NSUN6: variants seen among roughly 807,000 people sequenced by gnomAD.
NSUN6 encodes NOP2/Sun RNA methyltransferase 6.
NSUN6 carries 64 observed loss-of-function variants against 58.0 expected under a neutral mutation model. That is an observed-to-expected ratio of 1.10 (90% CI 0.90 to 1.36). The LOEUF (loss-of-function observed/expected upper bound fraction) is 1.36. Ranked by LOEUF, NSUN6 falls within the 40% of genes most tolerant of loss-of-function variation. The probability of loss-of-function intolerance (pLI) is 0.00; values close to 1 mark genes in which losing one functional copy is unlikely to be tolerated. For missense variants in NSUN6, 701 were observed against 550.1 expected, an observed-to-expected ratio of 1.27 and a Z score of -2.74; for synonymous variants, 231 against 193.9, an observed-to-expected ratio of 1.19 and a Z score of -1.59.
At chr10:18,548,719 G>T (rs560362397) in intron 9 of NSUN6, among the ~76,000 whole-genome samples, 1 of 152,280 alleles carries the variant, frequency 6.6e-6, no homozygotes, top group African/African-American at 2.4e-5. Context: ...GATTGCAGGC[G>T]TGAGCCATGG....
chr10:18,634,681 G>C (rs1310449780), intron 3 of NSUN6, among the ~76,000 whole-genome samples: 7 of 152,044 alleles, frequency 4.6e-5, no homozygotes, highest in Non-Finnish European at 7.4e-5. Flanking sequence ...AGAATGGCCT[G>C]AACCCAGGAG....
chr10:18,620,126 C>T (rs1314853535), intron 3 of NSUN6, among the ~76,000 whole-genome samples: 1 of 151,570 alleles, frequency 6.6e-6, no homozygotes, highest in Non-Finnish European at 1.5e-5. Context: ...CTAGCTCTGT[C>T]TCCCAGGCTG....
At chr10:18,610,823 G>A (rs751369378) in intron 5 of NSUN6, among the ~76,000 whole-genome samples, 12 of 152,150 alleles carry the variant, frequency 7.9e-5, no homozygotes, top group African/African-American at 2.4e-4. Context: ...CAAAGCAAGC[G>A]AAAGGAGAAA....
At chr10:18,645,913 C>T (rs189812243) in intron 2 of NSUN6, among the ~76,000 whole-genome samples, 4 of 152,210 alleles carry the variant, frequency 2.6e-5, no homozygotes, top group South Asian at 2.1e-4. Context: ...AGGCCAGGCA[C>T]GGAGATATAT....
At chr10:18,636,964 T>C (rs1044069140) in intron 3 of NSUN6, among the ~76,000 whole-genome samples, 4 of 8,642 alleles carry the variant, frequency 4.6e-4, no homozygotes, top group African/African-American at 1.8e-3. Flanking sequence ...AGGAATTGAC[T>C]TTTTTTTTTT....
chr10:18,551,763 A>T (rs1357728916), intron 9 of NSUN6, 60 bp downstream of exon 9: 20 of 1,404,982 alleles, frequency 1.4e-5, no homozygotes, highest in Non-Finnish European at 1.8e-5. Flanking sequence ...TGCTGTCAGT[A>T]GTTTAAACAT....
In NSUN6 at chr10:18,575,934, T is replaced by TG. The variant is rs143366158; in HGVS notation, c.922+10014dup. ...AGTTCCGGGTGCATCAAGATCAGCC[T>TG]GGGGATCACATCCTCATCAAAAGCT... is the stretch of plus-strand genomic sequence containing the variant. On this transcript the variant is annotated intron_variant, in intron 8 of 10. Transcript: ENST00000377304. 8.4e-3 allele frequency among the ~76,000 whole-genome samples: 1,278 copies of TG among 152,254 alleles called. 14 individuals are homozygous for TG. The highest frequency in any genetic ancestry group is 0.033 in the South Asian group (161 of 4,820).
chr10:18,567,517 C>A (rs781676335), intron 8 of NSUN6, among the ~76,000 whole-genome samples: 24 of 149,598 alleles, frequency 1.6e-4, no homozygotes, highest in Non-Finnish European at 3.1e-4. Context: ...TTCTATTCAC[C>A]ACTGCATCCC....
intron 3 of NSUN6, among the ~76,000 whole-genome samples, chr10:18,642,187 A>G (rs1390459574): frequency 1.3e-5 from 2 of 152,132 alleles, no homozygotes; most frequent in African/African-American, 2.4e-5. Flanking sequence ...AAATACAAGT[A>G]AACAAATGAA....
intron 8 of NSUN6, among the ~76,000 whole-genome samples, chr10:18,573,970 G>A (rs1462890751): frequency 1.3e-5 from 2 of 152,066 alleles, no homozygotes; most frequent in Non-Finnish European, 2.9e-5. Flanking sequence ...ATATCCTGTG[G>A]ACTTCTGAGG....
At chr10:18,573,932 C>T (rs918030319) in intron 8 of NSUN6, among the ~76,000 whole-genome samples, 7 of 152,024 alleles carry the variant, frequency 4.6e-5, no homozygotes, top group Admixed American at 2.0e-4. Flanking sequence ...ACTGTTATAT[C>T]GAAAATTTGC....
upstream of NSUN6, chr10:18,658,812 G>C (rs2059806011): frequency 6.1e-6 from 1 of 164,528 alleles, no homozygotes; most frequent in Non-Finnish European, 1.3e-5. Flanking sequence ...AGTCCCCCTG[G>C]GCAACACAGC....
chr10:18,636,531 T>C (rs2059219908), intron 3 of NSUN6, among the ~76,000 whole-genome samples: 1 of 151,532 alleles, frequency 6.6e-6, no homozygotes, highest in East Asian at 1.9e-4. Context: ...AAATACAAAC[T>C]AGGTGGTAGG....
intron 3 of NSUN6, among the ~76,000 whole-genome samples, chr10:18,633,023 T>C (rs1224203660): frequency 1.3e-5 from 2 of 151,872 alleles, no homozygotes; most frequent in African/African-American, 2.4e-5. Context: ...CCAACAATGA[T>C]AGACTGGATT....
At chr10:18,610,030 T>A in intron 5 of NSUN6, 104 bp from the exon 6 acceptor site, 2 of 744,252 alleles carry the variant, frequency 2.7e-6, no homozygotes, top group South Asian at 3.2e-5. Flanking sequence ...TAAGATGCTC[T>A]ATCTTTTTAA....
At chr10:18,603,468 C>CTTT (rs1465029374) in intron 6 of NSUN6, among the ~76,000 whole-genome samples, 49 of 149,602 alleles carry the variant, frequency 3.3e-4, no homozygotes, top group African/African-American at 9.8e-4. Context: ...TTTTTCTTTT[C>CTTT]TTTTCTTTTC....
intron 8 of NSUN6, among the ~76,000 whole-genome samples, chr10:18,575,841 A>T (rs1158199459): frequency 6.6e-6 from 1 of 152,136 alleles, no homozygotes; most frequent in African/African-American, 2.4e-5. Flanking sequence ...AAAATTATAT[A>T]CTTGGTCTAT....
intron 9 of NSUN6, among the ~76,000 whole-genome samples, chr10:18,549,856 T>C (rs1327067452): frequency 6.6e-5 from 10 of 152,222 alleles, no homozygotes; most frequent in Admixed American, 6.5e-4. Context: ...AGTTACTGTG[T>C]GAAACACTGT....
chr10:18,605,331 A>T (rs2131288939), intron 6 of NSUN6, among the ~76,000 whole-genome samples: 1 of 152,102 alleles, frequency 6.6e-6, no homozygotes, highest in South Asian at 2.1e-4. Context: ...ACTATAAATC[A>T]TTGAAAAAAT....
Sources: allele counts gnomAD v4.1 joint callset (sites outside exome capture counted in the v4.1 genomes callset), GRCh38; gene constraint gnomAD v4.1.1; transcripts MANE v1.5; gene names NCBI Gene and HGNC (gene_info 2026-07-23, HGNC 2026-07-21).